The following ADRA1A variants were observed in gnomAD, a reference collection of about 807,000 sequenced individuals.
ADRA1A encodes adrenoceptor alpha 1A.
A neutral mutation model predicts 29.6 loss-of-function variants in ADRA1A; 31 were observed. That is an observed-to-expected ratio of 1.05 (90% CI 0.79 to 1.41). ADRA1A has a LOEUF of 1.41. Among genes scored for constraint, ADRA1A ranks in the 40% most tolerant of loss-of-function variants. ADRA1A has a pLI of 0.00. For missense variants in ADRA1A, 619 were observed against 601.1 expected (o/e 1.03, Z -0.31); for synonymous variants, 311 against 254.3 (o/e 1.22, Z -2.12).
chr8:26,840,987 C>G (rs957741294), intron 2 of ADRA1A, among the ~76,000 whole-genome samples: 3 of 152,122 alleles, frequency 2.0e-5, no homozygotes, highest in African/African-American at 7.2e-5. Flanking sequence ...CATGAGTGCA[C>G]TGGGTGAAGA....
chr8:26,842,349 C>A (rs1191547483), intron 2 of ADRA1A, among the ~76,000 whole-genome samples: 1 of 152,174 alleles, frequency 6.6e-6, no homozygotes, highest in Non-Finnish European at 1.5e-5. Context: ...TCATTTCAGG[C>A]AAAATATGAT....
chr8:26,779,565 G>A, intron 2 of ADRA1A: 1 of 574,246 alleles, frequency 1.7e-6, no homozygotes. Context: ...GGAACGTGGT[G>A]GAGAGATGGC....
At chr8:26,817,934 C>T (rs550610112) in intron 2 of ADRA1A, among the ~76,000 whole-genome samples, 1 of 152,316 alleles carries the variant, frequency 6.6e-6, no homozygotes, top group African/African-American at 2.4e-5. Flanking sequence ...GGAATCAACA[C>T]AGACATACAT....
chr8:26,755,612 C>T (rs1057249861), downstream of ADRA1A, among the ~76,000 whole-genome samples: 9 of 152,176 alleles, frequency 5.9e-5, no homozygotes, highest in Non-Finnish European at 1.3e-4. Context: ...GTTCCCCACC[C>T]CATTGTGTCC....
Position 26,775,861 on chromosome 8 carries a change from C to T in ADRA1A, c.884-5195G>A, listed in dbSNP as rs982481672. ...TTCTCATTCATGGAGATTCAGAATC[C>T]TCACTTCCACTGTAAAGGCCTCTAG... On this transcript the variant is annotated intron_variant, in intron 2 of 2. Coordinates refer to ENST00000380573, the MANE Select transcript of ADRA1A (RefSeq NM_000680.4). The surrounding 1 kb of genome is among the most constrained non-coding windows in gnomAD (Gnocchi z 4.1). Among the ~76,000 whole-genome samples the T allele has an allele frequency of 1.3e-5, 2 of 152,152 alleles. No homozygotes were observed. The highest frequency in any genetic ancestry group is 1.5e-5 in the Non-Finnish European group (1 of 68,040).
rs1806050517 is a variant in ADRA1A at position 26,770,384 on chromosome 8, G to A, written c.1166C>T (p.Ser389Phe). 4 of 1,614,234 alleles carry A rather than the reference G, an allele frequency of 2.5e-6. No individual in the cohort carries two copies. Among genetic ancestry groups the A allele is most frequent in the Non-Finnish European group, 3.4e-6 (4 of 1,180,038 alleles). The change falls in exon 3 of 3, where the codon TCC becomes TTC. Residue 389 changes from serine to phenylalanine, a missense_variant. Ser to Phe is a radical substitution (Grantham distance 155). Coordinates refer to ENST00000380573, the MANE Select transcript of ADRA1A (RefSeq NM_000680.4). ...CCATTCACAAACGCCATCCGTCTTGGAGATCCTGTAGAAGGTCTCTCTTGA... is the reference window on the plus strand; with the variant it reads ...CCATTCACAAACGCCATCCGTCTTGAAGATCCTGTAGAAGGTCTCTCTTGA... Reference protein sequence around the residue: ...VGSRETFYRISKTDGVCEWKF... With the variant: ...VGSRETFYRIFKTDGVCEWKF...
At chr8:26,781,669 C>T (rs1158948819) in intron 2 of ADRA1A, among the ~76,000 whole-genome samples, 2 of 152,184 alleles carry the variant, frequency 1.3e-5, no homozygotes, top group Admixed American at 6.5e-5. Flanking sequence ...CTTATAAAAA[C>T]ATTTTATAGG....
intron 2 of ADRA1A, chr8:26,853,790 G>A (rs1466303856): frequency 2.0e-5 from 3 of 152,114 alleles, no homozygotes; most frequent in African/African-American, 7.2e-5. Context: ...GTCTCTCTGA[G>A]CATCCCTGAG....
At chr8:26,829,836 C>T (rs1810840356) in intron 2 of ADRA1A, among the ~76,000 whole-genome samples, 1 of 152,056 alleles carries the variant, frequency 6.6e-6, no homozygotes, top group African/African-American at 2.4e-5. Context: ...CCCCACGCTG[C>T]CCCTGGTAAG....
downstream of ADRA1A, among the ~76,000 whole-genome samples, chr8:26,754,216 G>A (rs995906219): frequency 6.6e-6 from 1 of 152,138 alleles, no homozygotes; most frequent in Non-Finnish European, 1.5e-5. Flanking sequence ...GTCAGCCTGG[G>A]TGTCATATAT....
intron 2 of ADRA1A, among the ~76,000 whole-genome samples, chr8:26,827,231 T>C (rs1209462490): frequency 6.6e-6 from 1 of 152,258 alleles, no homozygotes; most frequent in Non-Finnish European, 1.5e-5. Context: ...TGCCACAAGA[T>C]GATAACATAG....
In ADRA1A at chr8:26,796,825, C is replaced by G. The variant is rs72609955; in HGVS notation, c.884-26159G>C. Among the ~76,000 whole-genome samples the G allele has an allele frequency of 0.025, 3,869 of 152,208 alleles. 76 individuals carry two copies. Among genetic ancestry groups the G allele is most frequent in the Middle Eastern group, 0.061 (18 of 294 alleles). On this transcript the variant is annotated intron_variant, in intron 2 of 2. Coordinates refer to ENST00000380573, the MANE Select transcript of ADRA1A (RefSeq NM_000680.4). The surrounding 1 kb of genome is among the most constrained non-coding windows in gnomAD (Gnocchi z 5.0). ...AGGCAGCCTCTGTAATGTGTGACCA[C>G]AGGAAGCTTTTGCATATGGCTTTGT...
At chr8:26,779,281 C>G in intron 2 of ADRA1A, 1 of 702,042 alleles carries the variant, frequency 1.4e-6, no homozygotes. Context: ...TACATTCCAA[C>G]TGGTCACCAA....
intron 2 of ADRA1A, among the ~76,000 whole-genome samples, chr8:26,749,923 T>C (rs1804852034): frequency 6.6e-6 from 1 of 152,190 alleles, no homozygotes; most frequent in African/African-American, 2.4e-5. Flanking sequence ...AATTTCAGCT[T>C]TTCCATTAGT....
At position 26,785,514 on chromosome 8, in the gene ADRA1A, A is replaced by G. The variant is rs550749341; in HGVS notation, c.884-14848T>C. Among the ~76,000 whole-genome samples the G allele has an allele frequency of 4.6e-5, 7 of 151,794 alleles. No individual in the cohort carries two copies. In the East Asian group the frequency reaches 9.9e-4, roughly 21 times the overall value. On this transcript the variant is annotated intron_variant, in intron 2 of 2. Transcript: ENST00000380573. ...TAAAAACTCTGTTCTTCAGATTTCCAGTTTAGAAATCTTTCTTTTAATTGA... is the reference window on the plus strand; with the variant it reads ...TAAAAACTCTGTTCTTCAGATTTCCGGTTTAGAAATCTTTCTTTTAATTGA...
chr8:26,824,522 T>C (rs1810409537), intron 2 of ADRA1A, among the ~76,000 whole-genome samples: 1 of 152,140 alleles, frequency 6.6e-6, no homozygotes, highest in South Asian at 2.1e-4. Context: ...AAGAGCTTAA[T>C]AGAAGAGAAA....
intron 2 of ADRA1A, among the ~76,000 whole-genome samples, chr8:26,757,627 G>C (rs1024696710): frequency 6.6e-6 from 1 of 152,046 alleles, no homozygotes. Context: ...AGGCTTTGGG[G>C]GTATTATGGT....
At chr8:26,846,569 G>A (rs932311183) in intron 2 of ADRA1A, among the ~76,000 whole-genome samples, 3 of 152,158 alleles carry the variant, frequency 2.0e-5, no homozygotes, top group African/African-American at 7.2e-5. Flanking sequence ...AGGAGTTCGA[G>A]ACCAGCCTGG....
chr8:26,850,869 T>C (rs1263927312), intron 2 of ADRA1A, among the ~76,000 whole-genome samples: 1 of 152,226 alleles, frequency 6.6e-6, no homozygotes, highest in East Asian at 1.9e-4. Flanking sequence ...TTTTAAACTT[T>C]GTGGGCCATA....
Sources: allele counts gnomAD v4.1 joint callset (sites outside exome capture counted in the v4.1 genomes callset), GRCh38; gene constraint gnomAD v4.1.1; non-coding constraint Gnocchi (gnomAD v3.1); transcripts MANE v1.5; gene names NCBI Gene and HGNC (gene_info 2026-07-23, HGNC 2026-07-21).